Variants in GREB1L observed in about 807,000 individuals in gnomAD.
The protein encoded by GREB1L is GREB1 like retinoic acid receptor coactivator, also known as GREB1-like protein.
Under a neutral mutation model 200.8 loss-of-function variants are expected in GREB1L, and 17 were observed. That is an observed-to-expected ratio of 0.08 (90% CI 0.06 to 0.13). GREB1L has a LOEUF of 0.13. GREB1L is among the 10% of genes least tolerant of loss of function. The probability of loss-of-function intolerance (pLI) is 1.00; values close to 1 mark genes in which losing one functional copy is unlikely to be tolerated. For missense variants in GREB1L, 1,657 were observed against 2,367.7 expected (o/e 0.70, Z 6.23); for synonymous variants, 789 against 893.0 (o/e 0.88, Z 2.08).
At chr18:21,407,822 G>A (rs2030452667) in intron 7 of GREB1L, among the ~76,000 whole-genome samples, 1 of 152,132 alleles carries the variant, frequency 6.6e-6, no homozygotes, top group Admixed American at 6.5e-5. Context: ...GCAGGAACAT[G>A]GATGGAACCA....
rs12607952 is a variant in GREB1L, at chr18:21,358,595, A to G, written c.-119-7432A>G. On this transcript the variant is annotated intron_variant, in intron 1 of 32. Transcript: ENST00000424526. Reference sequence around the variant, plus strand: ...CTCCCAAAGTGCTGGGATTACAGGCATGAGCCACCGCGCCCAGCCTGTTCT... The same window carrying G: ...CTCCCAAAGTGCTGGGATTACAGGCGTGAGCCACCGCGCCCAGCCTGTTCT... 2.3e-3 allele frequency among the ~76,000 whole-genome samples: 345 copies of G among 152,292 alleles called. 2 individuals carry two copies. The highest frequency in any genetic ancestry group is 0.017 in the East Asian group (90 of 5,180).
chr18:21,484,237 A>C (rs1351400154), intron 17 of GREB1L, among the ~76,000 whole-genome samples: 1 of 149,268 alleles, frequency 6.7e-6, no homozygotes, highest in African/African-American at 2.5e-5. Context: ...GTGCAGTGGC[A>C]CAATCTCGGC....
intron 17 of GREB1L, among the ~76,000 whole-genome samples, chr18:21,482,560 G>C (rs2035961208): frequency 6.6e-6 from 1 of 150,676 alleles, no homozygotes; most frequent in Non-Finnish European, 1.5e-5. Flanking sequence ...CGCCTGGCCT[G>C]AAAGAAGTTT....
At chr18:21,405,943 G>A (rs139043075) in intron 7 of GREB1L, among the ~76,000 whole-genome samples, 219 of 151,570 alleles carry the variant, frequency 1.4e-3, no homozygotes, top group African/African-American at 5.2e-3. Flanking sequence ...ATCAGACTGG[G>A]CAACATAGTG....
intron 1 of GREB1L, among the ~76,000 whole-genome samples, chr18:21,267,258 T>G (rs2037985846): frequency 7.0e-6 from 1 of 143,256 alleles, no homozygotes; most frequent in Non-Finnish European, 1.5e-5. Context: ...CTTGGCTCAC[T>G]GCAACCTCTG....
Position 21,444,219 on chromosome 18 carries a change from G to A in GREB1L, c.1208-5G>A, listed in dbSNP as rs2034080620. On this transcript the variant is annotated splice_region_variant and splice_polypyrimidine_tract_variant and intron_variant, in intron 10 of 32. Coordinates refer to ENST00000424526, the MANE Select transcript of GREB1L (RefSeq NM_001142966.3). ...AACTGTACTGACCTGCTTCTATTGG[G>A]ACAGGCTATGGCACTTTACCCTATT... 1.3e-6 allele frequency: 2 copies of A among 1,548,336 alleles called. No individual in the cohort carries two copies. Among genetic ancestry groups the A allele is most frequent in the Non-Finnish European group, 1.7e-6 (2 of 1,144,020 alleles).
At chr18:21,361,160 C>G (rs2039574854) in intron 1 of GREB1L, among the ~76,000 whole-genome samples, 2 of 152,104 alleles carry the variant, frequency 1.3e-5, no homozygotes, top group Non-Finnish European at 2.9e-5. Context: ...TGGTCCAAAA[C>G]ATAAAGGATA....
chr18:21,250,165 C>T (rs942677931), intron 1 of GREB1L, among the ~76,000 whole-genome samples: 4 of 151,960 alleles, frequency 2.6e-5, no homozygotes, highest in Admixed American at 6.6e-5. Context: ...GAGAGGTAAG[C>T]GAGGGAGCGA....
At chr18:21,405,511 A>G (rs2030087037) in intron 7 of GREB1L, among the ~76,000 whole-genome samples, 2 of 152,188 alleles carry the variant, frequency 1.3e-5, no homozygotes, top group African/African-American at 4.8e-5. Context: ...GATTTAAAAA[A>G]CATTCATGGC....
At chr18:21,491,644 C>T (rs1375147356) in intron 19 of GREB1L, among the ~76,000 whole-genome samples, 2 of 150,600 alleles carry the variant, frequency 1.3e-5, no homozygotes, top group Admixed American at 6.6e-5. Context: ...ACCCAGGAGG[C>T]GGAGCTTGCA....
intron 1 of GREB1L, among the ~76,000 whole-genome samples, chr18:21,290,011 G>T (rs2038421642): frequency 6.6e-6 from 1 of 152,182 alleles, no homozygotes; most frequent in South Asian, 2.1e-4. Flanking sequence ...AGACTCCTGG[G>T]ATTTACCAGT....
At chr18:21,344,856 T>C (rs1402106345) in intron 1 of GREB1L, among the ~76,000 whole-genome samples, 1 of 152,234 alleles carries the variant, frequency 6.6e-6, no homozygotes, top group Non-Finnish European at 1.5e-5. Flanking sequence ...TGATCGCTAC[T>C]GGAGAAAATC....
chr18:21,300,704 C>T (rs1488746438), intron 1 of GREB1L, among the ~76,000 whole-genome samples: 1 of 152,162 alleles, frequency 6.6e-6, no homozygotes, highest in East Asian at 1.9e-4. Flanking sequence ...GGACTTCTTC[C>T]ACTGCTGTGT....
At chr18:21,287,510 A>G (rs2038377025) in intron 1 of GREB1L, among the ~76,000 whole-genome samples, 1 of 152,158 alleles carries the variant, frequency 6.6e-6, no homozygotes, top group African/African-American at 2.4e-5. Context: ...TTTTTCTTAC[A>G]TGTTACTAAA....
chr18:21,432,964 C>A (rs1378899788), intron 7 of GREB1L, among the ~76,000 whole-genome samples: 1 of 152,042 alleles, frequency 6.6e-6, no homozygotes, highest in East Asian at 1.9e-4. Context: ...GCCTTGGCCT[C>A]CCAAAGTGCT....
At chr18:21,278,389 A>AAAAAAAAAAAAAAAAT (rs750178610) in intron 1 of GREB1L, among the ~76,000 whole-genome samples, 1 of 125,610 alleles carries the variant, frequency 8.0e-6, no homozygotes, top group Non-Finnish European at 1.7e-5. Context: ...TCAAAAAAAA[A>AAAAAAAAAAAAAAAAT]AAATAAATAA....
chr18:21,389,870 C>T (rs2040722310), intron 4 of GREB1L, among the ~76,000 whole-genome samples: 2 of 151,980 alleles, frequency 1.3e-5, no homozygotes, highest in South Asian at 2.1e-4. Flanking sequence ...TCAAATGATG[C>T]TCAGAAATCA....
chr18:21,447,370 C>T (rs1442262624), intron 11 of GREB1L, among the ~76,000 whole-genome samples: 5 of 152,298 alleles, frequency 3.3e-5, no homozygotes, highest in Admixed American at 3.3e-4. Flanking sequence ...AGGCATTTTA[C>T]TCTAAGAAGT....
chr18:21,404,173 A>T (rs1358899531), intron 7 of GREB1L, among the ~76,000 whole-genome samples, 179 bp downstream of exon 7: 1 of 152,228 alleles, frequency 6.6e-6, no homozygotes, highest in Non-Finnish European at 1.5e-5. Flanking sequence ...GATGACCAGA[A>T]TCCAAGTCCT....
Sources: allele counts gnomAD v4.1 joint callset (sites outside exome capture counted in the v4.1 genomes callset), GRCh38; gene constraint gnomAD v4.1.1; transcripts MANE v1.5; gene names NCBI Gene and HGNC (gene_info 2026-07-23, HGNC 2026-07-21).